Variants in CTR9 observed in about 807,000 individuals in gnomAD.
CTR9 encodes RNA polymerase-associated protein CTR9 homolog.
A neutral mutation model predicts 152.1 loss-of-function variants in CTR9; 41 were observed. The observed-to-expected ratio is 0.27, with a 90% CI of 0.21 to 0.35. CTR9 has a LOEUF of 0.35. Among genes scored for constraint, CTR9 ranks in the 10% least tolerant of loss-of-function variants. The probability of loss-of-function intolerance (pLI) is 1.00; values close to 1 mark genes in which losing one functional copy is unlikely to be tolerated. For synonymous variants in CTR9, 476 were observed against 496.2 expected (o/e 0.96, Z 0.54); for missense variants, 917 against 1,424.4 (o/e 0.64, Z 5.73).
Position 10,776,971 on chromosome 11 carries a change from GAA to G in CTR9, c.3095+1362_3095+1363del, listed in dbSNP as rs11326865. 3.4e-3 allele frequency among the ~76,000 whole-genome samples: 217 copies of G among 63,200 alleles called. 1 individual carries two copies. Among genetic ancestry groups the G allele is most frequent in the Admixed American group, 0.021 (78 of 3,706 alleles). 41.5% of individuals were successfully genotyped at this position (63,200 alleles called of 152,430 possible). On this transcript the variant is annotated intron_variant, in intron 24 of 24. Coordinates refer to ENST00000361367, the MANE Select transcript of CTR9 (RefSeq NM_014633.5). ...CTGGGCAACAGAATGAGACTCTTGT[GAA>G]AAAAAAAAAAAAAAAAAAAAAAAGC...
chr11:10,768,227 T>C (rs1293641173), intron 15 of CTR9, 66 bp downstream of exon 15: 1 of 1,576,290 alleles, frequency 6.3e-7, no homozygotes, highest in Non-Finnish European at 8.7e-7. Context: ...GGAATGTTTG[T>C]AAATCAGAAT....
At position 10,778,964 on chromosome 11, in the gene CTR9, T is replaced by G; in HGVS notation, c.3381T>G (p.Ser1127Arg). ...ACGACTCTCGCCCAGCTTCTCCAAG[T>G]GCCGAATCAGATCACGAATCGGAGA... ...SENDSRPASP[S>R]AESDHESERG... Residue 1127 changes from serine (S) to arginine (R), a missense_variant, in exon 25 of 25, where the codon AGT (serine) becomes AGG (arginine). Physicochemically the swap from Ser to Arg is moderately radical, Grantham distance 110 (BLOSUM62 -1). Coordinates refer to ENST00000361367, the MANE Select transcript of CTR9 (RefSeq NM_014633.5). 1 of 1,614,096 alleles carries G rather than the reference T, an allele frequency of 6.2e-7. No individual in the cohort carries two copies. The highest frequency in any genetic ancestry group is 8.5e-7 in the Non-Finnish European group (1 of 1,180,022).
rs1357647853 is a variant in CTR9 at position 10,778,868 on chromosome 11, G to T, written c.3285G>T (p.Arg1095Ser). 6.2e-7 allele frequency: 1 copy of T among 1,614,202 alleles called. No individual in the cohort carries two copies. Among genetic ancestry groups the T allele is most frequent in the South Asian group, 1.1e-5 (1 of 91,086 alleles). ...SDSDQPSRKR[R>S]PSGSEQSDNE... ...GTGACCAGCCATCCAGAAAGAGAAGGCCCTCCGGTTCTGAGCAGTCTGACA... is the reference window on the plus strand; with the variant it reads ...GTGACCAGCCATCCAGAAAGAGAAGTCCCTCCGGTTCTGAGCAGTCTGACA... Residue 1095 changes from arginine (R) to serine (S), a missense_variant, in exon 25 of 25, where the codon AGG becomes AGT. Arg to Ser is a moderately radical substitution (Grantham distance 110). Transcript: ENST00000361367.
At position 10,775,517 on chromosome 11, in the gene CTR9, T is replaced by G; in HGVS notation, c.2983-4T>G. On this transcript the variant is annotated splice_region_variant and splice_polypyrimidine_tract_variant and intron_variant, in intron 23 of 24. Transcript: ENST00000361367. ...ACTAATCTATTATGTTTGACATTCT[T>G]TAGCCCAAGCCAGAACGTCTGCCTC... The G allele has an allele frequency of 6.2e-7, 1 of 1,609,202 alleles. No individual in the cohort carries two copies.
chr11:10,764,107 C>A lies in CTR9; in HGVS notation c.1195-5C>A, dbSNP rs374385551. ...ACTTCAGCTTAACAATCTCTTTTAT[C>A]CCAGGGCCATTTGAAGAAGGTCACA... On this transcript the variant is annotated splice_region_variant and splice_polypyrimidine_tract_variant and intron_variant, in intron 9 of 24. Coordinates refer to ENST00000361367, the MANE Select transcript of CTR9 (RefSeq NM_014633.5). 9.3e-6 allele frequency: 15 copies of A among 1,613,624 alleles called. No individual in the cohort carries two copies. In the African/African-American group the frequency reaches 1.7e-4, roughly 19 times the overall value.
In CTR9 at chr11:10,768,557, A is replaced by G. The variant is rs1320534292; in HGVS notation, c.2109+66A>G. 4.7e-6 allele frequency: 7 copies of G among 1,495,408 alleles called. No homozygotes were observed. In the African/African-American group the frequency reaches 8.4e-5, roughly 18 times the overall value. The allele number at this position is 1,495,408 out of a possible 1,614,324, so 92.6% of individuals were successfully genotyped here. A position where few individuals can be genotyped will look rare whatever the true frequency, so the allele number is the denominator to read the frequency against. On this transcript the variant is annotated intron_variant, in intron 16 of 24. Transcript: ENST00000361367. Reference sequence around the variant, plus strand: ...TTGTTAAGCAGATGTTTTCTTAGCCATTCTGGCCCTGTCATGGAGCTGCAT... The same window carrying G: ...TTGTTAAGCAGATGTTTTCTTAGCCGTTCTGGCCCTGTCATGGAGCTGCAT...
rs1043364129 is a variant in CTR9 at position 10,775,072 on chromosome 11, A to T, written c.2886-135A>T. On this transcript the variant is annotated intron_variant, in intron 22 of 24. Transcript: ENST00000361367. Reference sequence around the variant, plus strand: ...GAGTAAGTTATGTCCCCTGCCCTTGAGGAGTGTACAGTATGATTGAGGACA... The same window carrying T: ...GAGTAAGTTATGTCCCCTGCCCTTGTGGAGTGTACAGTATGATTGAGGACA... 40 of 661,252 alleles carry T rather than the reference A, an allele frequency of 6.0e-5. No individual in the cohort carries two copies. The Admixed American group carries it at 1.0e-3, about 17-fold the overall frequency. 41.0% of individuals were successfully genotyped at this position (661,252 alleles called of 1,614,324 possible).
At chr11:10,772,794 T>G (rs1590026359) in intron 20 of CTR9, 139 bp downstream of exon 20, 1 of 888,148 alleles carries the variant, frequency 1.1e-6, no homozygotes, top group Non-Finnish European at 1.6e-6. Context: ...ATGAGGTGGG[T>G]GGAGGGCGGA....
At chr11:10,776,971 GAAAAA>G (rs11326865) in intron 24 of CTR9, among the ~76,000 whole-genome samples, 3 of 63,236 alleles carry the variant, frequency 4.7e-5, no homozygotes, top group Admixed American at 2.7e-4. Flanking sequence ...AGACTCTTGT[GAAAAA>G]AAAAAAAAAA....
intron 16 of CTR9, 127 bp downstream of exon 16, chr11:10,768,618 T>C: frequency 1.1e-6 from 1 of 943,960 alleles, no homozygotes; most frequent in Non-Finnish European, 1.5e-6. Flanking sequence ...TTTAGAGATT[T>C]ATAATTATAT....
At chr11:10,775,148 A>T in intron 22 of CTR9, 59 bp from the exon 23 acceptor site, 1 of 1,340,138 alleles carries the variant, frequency 7.5e-7, no homozygotes, top group Non-Finnish European at 1.1e-6. Context: ...ATGGCAAAGT[A>T]GTCTGGAACT....
intron 5 of CTR9, among the ~76,000 whole-genome samples, chr11:10,757,395 G>A (rs1377839052): frequency 2.0e-5 from 3 of 152,142 alleles, no homozygotes; most frequent in Non-Finnish European, 4.4e-5. Flanking sequence ...TTTGAGACTA[G>A]CCTTTGCAAC....
rs191895699 is a variant in CTR9, at chr11:10,752,834, C to A, written c.144+64C>A. On this transcript the variant is annotated intron_variant, in intron 2 of 24. Transcript: ENST00000361367. ...TAGGAAAATATGTAGTTTCTGTTTT[C>A]AGATATAGTAATAGCCAGCTTGGCT... 38 of 1,309,838 alleles carry A rather than the reference C, an allele frequency of 2.9e-5. No individual in the cohort carries two copies. The African/African-American group carries it at 4.3e-4, about 15-fold the overall frequency. 81.1% of individuals were successfully genotyped at this position (1,309,838 alleles called of 1,614,324 possible).
At chr11:10,766,937 A>T (rs578067564) in intron 13 of CTR9, 24 of 155,032 alleles carry the variant, frequency 1.5e-4, no homozygotes, top group South Asian at 2.0e-4. Context: ...ATCATAGCCT[A>T]GTACACACAA....
intron 12 of CTR9, 44 bp downstream of exon 12, chr11:10,764,775 C>A: frequency 6.8e-7 from 1 of 1,478,230 alleles, no homozygotes; most frequent in Non-Finnish European, 9.1e-7. Context: ...CCGTTCATTC[C>A]CACAAGAGCA....
At chr11:10,770,379 T>C (rs571913872) in intron 17 of CTR9, 53 bp downstream of exon 17, 1 of 1,586,326 alleles carries the variant, frequency 6.3e-7, no homozygotes, top group South Asian at 1.1e-5. Flanking sequence ...TTGTATTTTT[T>C]AATTCTTCGT....
intron 2 of CTR9, among the ~76,000 whole-genome samples, 153 bp from the exon 3 acceptor site, chr11:10,754,805 C>T (rs1590017153): frequency 6.6e-6 from 1 of 152,166 alleles, no homozygotes; most frequent in Admixed American, 6.5e-5. Flanking sequence ...TTTATGGATA[C>T]ACCACAGCTT....
At position 10,779,673 on chromosome 11, in the gene CTR9, G is replaced by A. The variant is rs1452667307; in HGVS notation, c.*568G>A. On this transcript the variant is annotated 3_prime_UTR_variant, in exon 25 of 25. Transcript: ENST00000361367. Reference sequence around the variant, plus strand: ...AATGTGTTAGGTTGAATAAGGTGTGGAAAATGCTTTTCTGTTAGTAGAATG... The same window carrying A: ...AATGTGTTAGGTTGAATAAGGTGTGAAAAATGCTTTTCTGTTAGTAGAATG... 2 of 152,284 alleles carry A rather than the reference G, an allele frequency of 1.3e-5. No homozygotes were observed. The highest frequency in any genetic ancestry group is 2.9e-5 in the Non-Finnish European group (2 of 68,114). 9.4% of individuals were successfully genotyped at this position (152,284 alleles called of 1,614,324 possible).
At chr11:10,751,805 G>A (rs1255111523) in intron 1 of CTR9, among the ~76,000 whole-genome samples, 2 of 152,154 alleles carry the variant, frequency 1.3e-5, no homozygotes, top group African/African-American at 4.8e-5. Flanking sequence ...ACAGAGGTGG[G>A]CGCTGATGTT....
Sources: gnomAD v4.1 joint callset for allele counts (sites outside exome capture counted in the v4.1 genomes callset) on GRCh38, gnomAD v4.1.1 for gene constraint, MANE v1.5 for transcripts, NCBI Gene and HGNC (gene_info 2026-07-23, HGNC 2026-07-21) for gene names.